KCNQ2: variants seen among roughly 807,000 people sequenced by gnomAD.
The protein encoded by KCNQ2 is potassium voltage-gated channel subfamily Q member 2.
A neutral mutation model predicts 84.8 loss-of-function variants in KCNQ2; 14 were observed. That is an observed-to-expected ratio of 0.17 (90% CI 0.11 to 0.26). The LOEUF (loss-of-function observed/expected upper bound fraction) is 0.26. Among genes scored for constraint, KCNQ2 ranks in the 10% least tolerant of loss-of-function variants. KCNQ2 has a pLI of 1.00. For synonymous variants in KCNQ2, 599 were observed against 554.1 expected (o/e 1.08, Z -1.14); for missense variants, 788 against 1,254.0 (o/e 0.63, Z 5.61).
At chr20:63,419,814 G>A in intron 11 of KCNQ2, 142 bp from the exon 12 acceptor site, 1 of 740,998 alleles carries the variant, frequency 1.3e-6, no homozygotes. Flanking sequence ...AGGCCAGCGA[G>A]GAAGGTGCAC....
rs778953713 is a variant in KCNQ2, at chr20:63,407,067, G to A, written c.2196C>T (p.Pro732=). ...SHPRQGHGTS[P]VGDHGSLVRI... is the part of the protein sequence containing the mutation. ...GCACCAGGGAGCCGTGGTCCCCCACGGGGGAGGTGCCGTGGCCCTGGCGCG... is the reference window on the plus strand; with the variant it reads ...GCACCAGGGAGCCGTGGTCCCCCACAGGGGAGGTGCCGTGGCCCTGGCGCG... Residue 732 remains proline (P), a synonymous_variant, in exon 17 of 17, where the codon CCC becomes CCT. Coordinates refer to ENST00000359125, the MANE Select transcript of KCNQ2 (RefSeq NM_172107.4). The surrounding 1 kb of genome is among the most constrained non-coding windows in gnomAD (Gnocchi z 7.2). 62 of 1,525,118 alleles carry A rather than the reference G, an allele frequency of 4.1e-5. 1 individual carries two copies. The highest frequency in any genetic ancestry group is 5.5e-5 in the African/African-American group (4 of 72,946). The allele number at this position is 1,525,118 out of a possible 1,614,324, so 94.5% of individuals were successfully genotyped here.
chr20:63,470,569 AG>A (rs1033527237), intron 1 of KCNQ2, among the ~76,000 whole-genome samples: 3 of 152,228 alleles, frequency 2.0e-5, no homozygotes, highest in Non-Finnish European at 4.4e-5. Flanking sequence ...GGGAAACCTC[AG>A]GAACAGCCAC....
intron 2 of KCNQ2, 22 bp from the exon 3 acceptor site, chr20:63,445,386 G>A (rs780774427): frequency 6.2e-7 from 1 of 1,612,712 alleles, no homozygotes; most frequent in South Asian, 1.1e-5. Context: ...GAAAGCTGAG[G>A]CCACCTTGAG....
intron 1 of KCNQ2, among the ~76,000 whole-genome samples, chr20:63,457,601 T>C (rs2081836728): frequency 6.6e-6 from 1 of 152,194 alleles, no homozygotes; most frequent in Non-Finnish European, 1.5e-5. Context: ...GGATGGCCAC[T>C]TCCTTCAGCC....
chr20:63,451,137 C>CA (rs58922723), intron 1 of KCNQ2, among the ~76,000 whole-genome samples: 8,504 of 109,908 alleles, frequency 0.077, 336 homozygotes, highest in Middle Eastern at 0.15. Flanking sequence ...GACTCTGTCC[C>CA]AAAAAAAAAA....
chr20:63,468,837 T>G lies in KCNQ2; in HGVS notation c.296+3331A>C, dbSNP rs965206831. On this transcript the variant is annotated intron_variant, in intron 1 of 16. Transcript: ENST00000359125. ...GGGCTGCTGGCAAGATCAAGCAATC[T>G]GCACCCCCAAGCTCTCATCTCAGGC... Among the ~76,000 whole-genome samples the G allele has an allele frequency of 4.7e-5, 7 of 150,184 alleles. No homozygotes were observed. The South Asian group carries it at 1.3e-3, about 27-fold the overall frequency.
chr20:63,423,086 T>C (rs1010926577), intron 11 of KCNQ2, among the ~76,000 whole-genome samples: 31 of 152,198 alleles, frequency 2.0e-4, no homozygotes, highest in Admixed American at 4.6e-4. Flanking sequence ...GACCCAGCTC[T>C]TTCTGGGCCC....
chr20:63,463,785 C>T (rs953675095), intron 1 of KCNQ2: 1 of 152,250 alleles, frequency 6.6e-6, no homozygotes, highest in Non-Finnish European at 1.5e-5. Flanking sequence ...AGGAACAAAA[C>T]TAGAGAAGAC....
chr20:63,410,436 CT>C (rs955640140), intron 15 of KCNQ2, among the ~76,000 whole-genome samples: 15 of 152,142 alleles, frequency 9.9e-5, no homozygotes, highest in Non-Finnish European at 1.5e-4. Flanking sequence ...CCCTGGCCCC[CT>C]GTGTGAACCT....
chr20:63,450,424 C>A (rs1165906834), intron 1 of KCNQ2, among the ~76,000 whole-genome samples: 4 of 136,758 alleles, frequency 2.9e-5, no homozygotes, highest in African/African-American at 1.1e-4. Context: ...GGCCCTGGGG[C>A]TGCCCCAGGT....
chr20:63,466,805 C>G (rs1397981468), intron 1 of KCNQ2, among the ~76,000 whole-genome samples: 2 of 152,182 alleles, frequency 1.3e-5, no homozygotes, highest in African/African-American at 4.8e-5. Flanking sequence ...AGGGTCTTCA[C>G]AGGTCACGGC....
At chr20:63,427,477 T>A (rs1601612542) in intron 10 of KCNQ2, among the ~76,000 whole-genome samples, 1 of 152,244 alleles carries the variant, frequency 6.6e-6, no homozygotes, top group East Asian at 1.9e-4. Flanking sequence ...CGCTGGAGTG[T>A]GTAACAACAG....
intron 1 of KCNQ2, among the ~76,000 whole-genome samples, chr20:63,461,654 G>C (rs1461377008): frequency 6.6e-6 from 1 of 151,940 alleles, no homozygotes; most frequent in African/African-American, 2.4e-5. Context: ...ACCTACCCCA[G>C]GCAGCAGGGA....
chr20:63,413,243 G>T (rs1045906844), intron 15 of KCNQ2: 3 of 610,714 alleles, frequency 4.9e-6, no homozygotes, highest in African/African-American at 3.7e-5. Flanking sequence ...GCCCACCGCG[G>T]TGTGGATGGG....
At chr20:63,464,199 G>A (rs547393330) in intron 1 of KCNQ2, among the ~76,000 whole-genome samples, 7 of 152,222 alleles carry the variant, frequency 4.6e-5, no homozygotes, top group African/African-American at 1.2e-4. Flanking sequence ...AGGCCGCCCA[G>A]CATCCCCTGT....
In KCNQ2 at chr20:63,407,024, C is replaced by T; in HGVS notation, c.2239G>A (p.Ala747Thr). ...GSLVRIPPPP[A>T]HERSLSAYGG... ...TAGGCGGACAGCGACCGCTCGTGGG[C>T]AGGCGGCGGCGGGATGCGCACCAGG... Residue 747 changes from alanine to threonine, a missense_variant, in exon 17 of 17, where the codon GCC becomes ACC. Transcript: ENST00000359125. The surrounding 1 kb of genome is among the most constrained non-coding windows in gnomAD (Gnocchi z 7.2). 3 of 1,523,234 alleles carry T rather than the reference C, an allele frequency of 2.0e-6. No individual in the cohort carries two copies. The highest frequency in any genetic ancestry group is 2.6e-6 in the Non-Finnish European group (3 of 1,138,252). The allele number at this position is 1,523,234 out of a possible 1,614,324, so 94.4% of individuals were successfully genotyped here. A position where few individuals can be genotyped will look rare whatever the true frequency, so the allele number is the denominator to read the frequency against.
At position 63,401,890 on chromosome 20, in the gene KCNQ2, C is replaced by T. The variant is rs567271145; in HGVS notation, c.*4754G>A. On this transcript the variant is annotated 3_prime_UTR_variant, in exon 17 of 17. Coordinates refer to ENST00000359125, the MANE Select transcript of KCNQ2 (RefSeq NM_172107.4). The stretch of plus-strand genomic sequence containing the variant: ...TGAACCGTCCCTCTCACACGTCTGC[C>T]GGGCACCCTCCACCAGGTCCAAGCC... The T allele has an allele frequency of 1.1e-3, 154 of 141,482 alleles. 3 individuals carry two copies. The South Asian group carries it at 0.013, about 12-fold the overall frequency. 8.8% of individuals were successfully genotyped at this position (141,482 alleles called of 1,614,324 possible). A position where few individuals can be genotyped will look rare whatever the true frequency, so the allele number is the denominator to read the frequency against.
intron 12 of KCNQ2, among the ~76,000 whole-genome samples, chr20:63,419,142 G>A (rs2080390500): frequency 1.3e-5 from 2 of 152,246 alleles, no homozygotes. Flanking sequence ...GTTGGGAGAG[G>A]GAGCCGCGGG....
rs1193426706 is a variant in KCNQ2 at position 63,406,447 on chromosome 20, CCT to C, written c.*195_*196del. On this transcript the variant is annotated 3_prime_UTR_variant, in exon 17 of 17. Coordinates refer to ENST00000359125, the MANE Select transcript of KCNQ2 (RefSeq NM_172107.4). ...CAGGGCCCTGCCCAGCCCTCCAGCCCCTGTTGGAAAATAACTTTTGTAAAAGG... is the reference window on the plus strand; with the variant it reads ...CAGGGCCCTGCCCAGCCCTCCAGCCCGTTGGAAAATAACTTTTGTAAAAGG... The C allele has an allele frequency of 1.1e-4, 78 of 683,210 alleles. No individual in the cohort carries two copies. The highest frequency in any genetic ancestry group is 9.5e-4 in the South Asian group (48 of 50,386). 42.3% of individuals were successfully genotyped at this position (683,210 alleles called of 1,614,324 possible).
Sources: gnomAD v4.1 joint callset for allele counts (sites outside exome capture counted in the v4.1 genomes callset) on GRCh38, gnomAD v4.1.1 for gene constraint, Gnocchi (gnomAD v3.1) non-coding constraint, MANE v1.5 for transcripts, NCBI Gene and HGNC (gene_info 2026-07-23, HGNC 2026-07-21) for gene names.